CUL3: variants seen among roughly 807,000 people sequenced by gnomAD.
CUL3 encodes cullin-3.
A neutral mutation model predicts 89.1 loss-of-function variants in CUL3; 19 were observed. The observed-to-expected ratio is 0.21, with a 90% CI of 0.15 to 0.31. The LOEUF (loss-of-function observed/expected upper bound fraction) is 0.31, where lower values mean the gene tolerates loss of function less well. Ranked by LOEUF, CUL3 falls within the 10% of genes least tolerant of loss-of-function variation. The pLI, the probability that CUL3 is intolerant of heterozygous loss-of-function variation, is 1.00. For synonymous variants in CUL3, 351 were observed against 308.4 expected, an observed-to-expected ratio of 1.14 and a Z score of -1.45; for missense variants, 469 against 942.3, an observed-to-expected ratio of 0.50 and a Z score of 6.58.
chr2:224,557,896 A>AAAAC (rs1694770004), intron 1 of CUL3, 40 bp from the exon 2 acceptor site: 6 of 1,153,404 alleles, frequency 5.2e-6, no homozygotes, highest in East Asian at 5.2e-5. Context: ...AAAAAAAAAA[A>AAAAC]AAAAAAAAAC....
intron 1 of CUL3, among the ~76,000 whole-genome samples, chr2:224,584,405 G>C (rs549541244): frequency 9.9e-5 from 15 of 152,254 alleles, no homozygotes; most frequent in Admixed American, 9.8e-4. Flanking sequence ...TATGACCACG[G>C]AGCATTCCGT....
At chr2:224,487,646 CAAT>C (rs962718685) in intron 13 of CUL3, among the ~76,000 whole-genome samples, 9 of 152,056 alleles carry the variant, frequency 5.9e-5, no homozygotes, top group African/African-American at 1.7e-4. Context: ...GACTCCCACA[CAAT>C]AATAGGGGGA....
intron 2 of CUL3, among the ~76,000 whole-genome samples, chr2:224,536,360 A>C (rs11891006): frequency 6.6e-6 from 1 of 152,062 alleles, no homozygotes; most frequent in Admixed American, 6.5e-5. Context: ...TCTCTGGAGA[A>C]GTCTTTCCCA....
In CUL3 at chr2:224,585,191, C is replaced by T; in HGVS notation, c.-182G>A. On this transcript the variant is annotated 5_prime_UTR_variant, in exon 1 of 16. Transcript: ENST00000264414. Reference sequence around the variant, plus strand: ...GCGGCGGCGGGGGCGGCGGCGGCGGCGGCGGCGGCTCGGACTCTGGCGACT... The same window carrying T: ...GCGGCGGCGGGGGCGGCGGCGGCGGTGGCGGCGGCTCGGACTCTGGCGACT... 1.0e-5 allele frequency: 3 copies of T among 301,396 alleles called. No homozygotes were observed. The highest frequency in any genetic ancestry group is 1.7e-5 in the Non-Finnish European group (3 of 176,460). The allele number at this position is 301,396 out of a possible 1,614,324, so 18.7% of individuals were successfully genotyped here.
chr2:224,488,180 T>G (rs1476785612), intron 13 of CUL3, among the ~76,000 whole-genome samples: 1 of 151,428 alleles, frequency 6.6e-6, no homozygotes, highest in Non-Finnish European at 1.5e-5. Context: ...ACATCACAAT[T>G]AAAAGAACTA....
intron 2 of CUL3, among the ~76,000 whole-genome samples, chr2:224,537,192 T>C (rs1693929409): frequency 6.6e-6 from 1 of 152,120 alleles, no homozygotes; most frequent in African/African-American, 2.4e-5. Flanking sequence ...AGATCTAATA[T>C]GAACAAGTGG....
At chr2:224,584,350 C>T (rs1298517830) in intron 1 of CUL3, among the ~76,000 whole-genome samples, 2 of 152,102 alleles carry the variant, frequency 1.3e-5, no homozygotes, top group Non-Finnish European at 2.9e-5. Context: ...GCTTAGGAAG[C>T]TTGTAGGATG....
intron 3 of CUL3, among the ~76,000 whole-genome samples, chr2:224,535,188 A>G (rs1394907747): frequency 1.3e-5 from 2 of 152,092 alleles, no homozygotes; most frequent in African/African-American, 4.8e-5. Flanking sequence ...GTGTTTTGAA[A>G]TGTTTAATTT....
intron 12 of CUL3, among the ~76,000 whole-genome samples, chr2:224,497,287 C>CA (rs935433171): frequency 1.3e-5 from 2 of 152,010 alleles, no homozygotes; most frequent in African/African-American, 4.8e-5. Context: ...AAAATGAAGG[C>CA]AAATCACTGG....
At chr2:224,551,660 T>C (rs1694522405) in intron 2 of CUL3, among the ~76,000 whole-genome samples, 1 of 152,190 alleles carries the variant, frequency 6.6e-6, no homozygotes, top group Non-Finnish European at 1.5e-5. Context: ...CTTTTTAAAG[T>C]AAAGTTTTAC....
intron 3 of CUL3, among the ~76,000 whole-genome samples, chr2:224,522,320 A>T (rs951361597): frequency 1.3e-5 from 2 of 152,056 alleles, no homozygotes; most frequent in Non-Finnish European, 2.9e-5. Context: ...ATAGTGGGGG[A>T]AAAAAAGTCT....
chr2:224,583,951 T>G (rs1256805099), intron 1 of CUL3, among the ~76,000 whole-genome samples: 2 of 152,234 alleles, frequency 1.3e-5, no homozygotes, highest in Non-Finnish European at 2.9e-5. Flanking sequence ...TTTAAAATCT[T>G]CTGTCCGATT....
intron 11 of CUL3, 183 bp downstream of exon 11, chr2:224,500,180 T>C: frequency 1.8e-6 from 1 of 546,804 alleles, no homozygotes; most frequent in South Asian, 2.7e-5. Context: ...ATGCCTGCTT[T>C]ACTTTACTCA....
At chr2:224,507,568 G>C (rs1015344715) in intron 6 of CUL3, among the ~76,000 whole-genome samples, 2 of 152,138 alleles carry the variant, frequency 1.3e-5, no homozygotes, top group Admixed American at 1.3e-4. Flanking sequence ...AAGTTTTTAT[G>C]AAATGTATAA....
rs1459684871 is a variant in CUL3 at position 224,471,019 on chromosome 2, GAATA to G, written c.*3222_*3225del. The G allele has an allele frequency of 1.5e-4, 35 of 227,228 alleles. No homozygotes were observed. Among genetic ancestry groups the G allele is most frequent in the African/African-American group, 7.1e-4 (32 of 45,164 alleles). The allele number at this position is 227,228 out of a possible 1,614,324, so 14.1% of individuals were successfully genotyped here. A position where few individuals can be genotyped will look rare whatever the true frequency, so the allele number is the denominator to read the frequency against. ...AAGCCAATATGACAACTAAATGAAT[GAATA>G]TACATAAAATATTCAGAATAGTATC... On this transcript the variant is annotated 3_prime_UTR_variant, in exon 16 of 16. Transcript: ENST00000264414.
At position 224,503,074 on chromosome 2, in the gene CUL3, T is replaced by C. The variant is rs2106194949; in HGVS notation, c.1378-2A>G. 1 of 1,593,622 alleles carries C rather than the reference T, an allele frequency of 6.3e-7. No individual in the cohort carries two copies. On this transcript the variant is annotated splice_acceptor_variant, in intron 9 of 15. Transcript: ENST00000264414. LOFTEE classifies it high-confidence loss of function. ...CGTGAACTGACATCCACATTCAGTC[T>C]GTGGAGGAAAAACACAAATATACAC...
chr2:224,579,146 A>G (rs1372842172), intron 1 of CUL3, among the ~76,000 whole-genome samples: 3 of 152,234 alleles, frequency 2.0e-5, no homozygotes, highest in Non-Finnish European at 4.4e-5. Context: ...TTTGTTAATA[A>G]CAACCGTATG....
intron 1 of CUL3, among the ~76,000 whole-genome samples, chr2:224,564,532 T>C (rs1025087702): frequency 2.0e-5 from 3 of 152,240 alleles, no homozygotes; most frequent in Non-Finnish European, 4.4e-5. Flanking sequence ...TACTTTATTA[T>C]TGTTGTTGCT....
chr2:224,509,103 T>C (rs777602637), intron 6 of CUL3, among the ~76,000 whole-genome samples: 9 of 152,358 alleles, frequency 5.9e-5, no homozygotes, highest in East Asian at 5.8e-4. Flanking sequence ...AATGGTGAAG[T>C]TGGCTCTGCT....
Sources: allele counts gnomAD v4.1 joint callset (sites outside exome capture counted in the v4.1 genomes callset), GRCh38; gene constraint gnomAD v4.1.1; transcripts MANE v1.5; gene names NCBI Gene and HGNC (gene_info 2026-07-23, HGNC 2026-07-21).